ZNF892: variants seen among roughly 807,000 people sequenced by gnomAD.
The protein encoded by ZNF892 is zinc finger protein 570-like.
the ZNF892 span, among the ~76,000 whole-genome samples, chr2:95,255,453 A>G: frequency 6.6e-6 from 1 of 152,160 alleles, no homozygotes; most frequent in Non-Finnish European, 1.5e-5. Flanking sequence ...AAAGTTTGTT[A>G]TAATTTCTGT....
chr2:95,246,639 C>G, the ZNF892 span, among the ~76,000 whole-genome samples: 7 of 152,164 alleles, frequency 4.6e-5, no homozygotes, highest in African/African-American at 1.7e-4. Flanking sequence ...GTTTCTTAAG[C>G]TGATAAGCAA....
the ZNF892 span, chr2:95,207,919 G>A: frequency 5.0e-6 from 2 of 398,400 alleles, no homozygotes; most frequent in Admixed American, 4.4e-5. Context: ...CGCAGGCTCA[G>A]GAAGGAGTAG....
At chr2:95,240,700 C>T in the ZNF892 span, among the ~76,000 whole-genome samples, 1 of 152,182 alleles carries the variant, frequency 6.6e-6, no homozygotes, top group East Asian at 1.9e-4. Context: ...TAAGATAAGA[C>T]CCACTGGTTT....
the ZNF892 span, among the ~76,000 whole-genome samples, chr2:95,255,357 A>G: frequency 6.6e-6 from 1 of 152,202 alleles, no homozygotes; most frequent in East Asian, 1.9e-4. Flanking sequence ...ATTCAGGAGC[A>G]GGTTGTTCAG....
At chr2:95,243,221 C>A in the ZNF892 span, among the ~76,000 whole-genome samples, 1 of 152,138 alleles carries the variant, frequency 6.6e-6, no homozygotes, top group South Asian at 2.1e-4. Context: ...TCCCAGCAGC[C>A]TGCCTTGGCC....
the ZNF892 span, among the ~76,000 whole-genome samples, chr2:95,216,304 C>T: frequency 6.6e-6 from 1 of 152,166 alleles, no homozygotes; most frequent in African/African-American, 2.4e-5. Context: ...GTCTTTTAGA[C>T]CTTGCTTATT....
At chr2:95,249,058 A>G in the ZNF892 span, among the ~76,000 whole-genome samples, 5 of 151,848 alleles carry the variant, frequency 3.3e-5, no homozygotes, top group African/African-American at 1.2e-4. Context: ...CTGGGACTGC[A>G]GGGACCTGTC....
the ZNF892 span, among the ~76,000 whole-genome samples, chr2:95,226,917 C>G: frequency 6.6e-6 from 1 of 152,176 alleles, no homozygotes; most frequent in Non-Finnish European, 1.5e-5. Context: ...TTAAGTGGCT[C>G]TTGAGTCCCA....
the ZNF892 span, among the ~76,000 whole-genome samples, chr2:95,236,869 T>G: frequency 7.7e-4 from 118 of 152,362 alleles, no homozygotes; most frequent in Non-Finnish European, 1.6e-3. Flanking sequence ...CATAGAATTA[T>G]GACTGATTAT....
chr2:95,256,444 C>G, the ZNF892 span, among the ~76,000 whole-genome samples: 1 of 152,196 alleles, frequency 6.6e-6, no homozygotes, highest in Non-Finnish European at 1.5e-5. Flanking sequence ...GAGATCAGCT[C>G]TTAGTCTGAT....
At chr2:95,249,756 C>G in the ZNF892 span, among the ~76,000 whole-genome samples, 9 of 152,122 alleles carry the variant, frequency 5.9e-5, no homozygotes, top group South Asian at 6.2e-4. Context: ...AATGAAATAG[C>G]CTTTGTCTCT....
the ZNF892 span, among the ~76,000 whole-genome samples, chr2:95,220,410 C>T: frequency 6.6e-6 from 1 of 151,564 alleles, no homozygotes; most frequent in Non-Finnish European, 1.5e-5. Context: ...CTCTAGAACC[C>T]GATCTGGGAT....
chr2:95,243,664 G>A, the ZNF892 span, among the ~76,000 whole-genome samples: 284 of 151,838 alleles, frequency 1.9e-3, 1 homozygote, highest in African/African-American at 5.0e-3. Flanking sequence ...CAGCCACCCC[G>A]TCTGGGAAGT....
the ZNF892 span, among the ~76,000 whole-genome samples, chr2:95,261,233 T>C: frequency 2.6e-5 from 4 of 151,700 alleles, no homozygotes; most frequent in Non-Finnish European, 5.9e-5. Context: ...TGACTGACAT[T>C]CCTTCCTCTG....
chr2:95,217,647 G>C, the ZNF892 span, among the ~76,000 whole-genome samples: 2 of 152,224 alleles, frequency 1.3e-5, no homozygotes, highest in Non-Finnish European at 2.9e-5. Context: ...AGTAGGAGGA[G>C]GGATGCATCC....
the ZNF892 span, among the ~76,000 whole-genome samples, chr2:95,260,278 C>T: frequency 6.6e-6 from 1 of 152,316 alleles, no homozygotes; most frequent in African/African-American, 2.4e-5. Context: ...ACACACCCAC[C>T]CTTTTTTGCT....
chr2:95,228,695 A>G, the ZNF892 span, among the ~76,000 whole-genome samples: 1 of 152,184 alleles, frequency 6.6e-6, no homozygotes, highest in Non-Finnish European at 1.5e-5. Flanking sequence ...TAATTCTGTT[A>G]TTCCTCCCAC....
At chr2:95,222,363 GGTTAGGTC>G in the ZNF892 span, among the ~76,000 whole-genome samples, 1 of 152,198 alleles carries the variant, frequency 6.6e-6, no homozygotes. Context: ...GGAGTGAAAT[GGTTAGGTC>G]ATATGGTGAG....
At chr2:95,249,693 C>G in the ZNF892 span, among the ~76,000 whole-genome samples, 1 of 151,976 alleles carries the variant, frequency 6.6e-6, no homozygotes, top group Non-Finnish European at 1.5e-5. Context: ...TAGGTGTGTT[C>G]TTTTTCGTAA....
Sources: allele counts gnomAD v4.1 joint callset (sites outside exome capture counted in the v4.1 genomes callset), GRCh38; gene constraint gnomAD v4.1.1; transcripts MANE v1.5; gene names NCBI Gene and HGNC (gene_info 2026-07-23, HGNC 2026-07-21).